The following AKAP13 variants were observed in gnomAD, a reference collection of about 807,000 sequenced individuals.
The protein encoded by AKAP13 is A-kinase anchoring protein 13.
In AKAP13, 80 loss-of-function variants were observed where a neutral mutation model predicts 264.5. That is an observed-to-expected ratio of 0.30 (90% CI 0.25 to 0.36). The LOEUF is 0.36. Among genes scored for constraint, AKAP13 ranks in the 10% least tolerant of loss-of-function variants. The pLI, the probability that AKAP13 is intolerant of heterozygous loss-of-function variation, is 1.00. For synonymous variants in AKAP13, 1,380 were observed against 1,250.2 expected (o/e 1.10, Z -2.19); for missense variants, 3,712 against 3,435.2 (o/e 1.08, Z -2.01).
chr15:85,580,837 T>C lies in AKAP13; in HGVS notation c.2769T>C (p.Ala923=). The C allele has an allele frequency of 2.5e-6, 4 of 1,614,128 alleles. No individual in the cohort carries two copies. The highest frequency in any genetic ancestry group is 3.4e-6 in the Non-Finnish European group (4 of 1,180,038). ...TGGTGGTTTCAGAAAGCTCTGCAGC[T>C]CAGGAACAAGATAAGGATAAAGCGG... ...KLLVVSESSA[A]QEQDKDKAVT... The change falls in exon 7 of 37, where the codon GCT becomes GCC. Residue 923 remains alanine (A), a synonymous_variant. Coordinates refer to ENST00000394518, the MANE Select transcript of AKAP13 (RefSeq NM_007200.5).
chr15:85,553,630 C>T (rs2078040542), intron 5 of AKAP13, among the ~76,000 whole-genome samples: 2 of 152,100 alleles, frequency 1.3e-5, no homozygotes, highest in African/African-American at 4.8e-5. Context: ...CTTTAACTGG[C>T]CAATAGAATT....
intron 12 of AKAP13, among the ~76,000 whole-genome samples, chr15:85,661,939 C>T (rs919743294): frequency 6.6e-6 from 1 of 151,428 alleles, no homozygotes; most frequent in Non-Finnish European, 1.5e-5. Context: ...TCCATGAGCC[C>T]ACCAGAGCAC....
chr15:85,473,103 C>T (rs1418466485), intron 1 of AKAP13, among the ~76,000 whole-genome samples: 7 of 152,124 alleles, frequency 4.6e-5, no homozygotes, highest in Admixed American at 4.6e-4. Context: ...TCATAATAAG[C>T]ACATAAGGAG....
At chr15:85,435,178 A>T (rs1483835270) in intron 1 of AKAP13, among the ~76,000 whole-genome samples, 2 of 147,126 alleles carry the variant, frequency 1.4e-5, no homozygotes, top group Non-Finnish European at 3.0e-5. Flanking sequence ...AAGAATGCAG[A>T]AGCCTCAGGA....
In AKAP13 at chr15:85,515,851, T is replaced by A. The variant is rs531934198; in HGVS notation, c.34-5577T>A. Among the ~76,000 whole-genome samples the A allele has an allele frequency of 1.6e-3, 218 of 138,244 alleles. 38 individuals are homozygous for A. The highest frequency in any genetic ancestry group is 6.6e-3 in the South Asian group (30 of 4,546). 90.7% of individuals were successfully genotyped at this position (138,244 alleles called of 152,430 possible). A position where few individuals can be genotyped will look rare whatever the true frequency, so the allele number is the denominator to read the frequency against. ...CTATGGTTATTTTTCCTTTTTTTTTTAAATCATTTGATTCAGGTGTTATCT... is the reference window on the plus strand; with the variant it reads ...CTATGGTTATTTTTCCTTTTTTTTTAAAATCATTTGATTCAGGTGTTATCT... On this transcript the variant is annotated intron_variant, in intron 2 of 36. Coordinates refer to ENST00000394518, the MANE Select transcript of AKAP13 (RefSeq NM_007200.5).
At chr15:85,470,600 C>T (rs569139033) in intron 1 of AKAP13, among the ~76,000 whole-genome samples, 77 of 152,302 alleles carry the variant, frequency 5.1e-4, no homozygotes, top group Admixed American at 1.2e-3. Flanking sequence ...GGCTCACGAT[C>T]GGTCTTTTTA....
At chr15:85,740,121 T>G (rs1195943751) in intron 33 of AKAP13, 101 bp from the exon 34 acceptor site, 1 of 1,188,078 alleles carries the variant, frequency 8.4e-7, no homozygotes, top group Non-Finnish European at 1.2e-6. Flanking sequence ...AGCATTTAGT[T>G]GTATCTTAAA....
chr15:85,641,905 T>C (rs556136229), intron 9 of AKAP13, among the ~76,000 whole-genome samples: 1 of 152,330 alleles, frequency 6.6e-6, no homozygotes, highest in East Asian at 1.9e-4. Context: ...CAGTGTGTTT[T>C]CCTGCCCTTC....
At chr15:85,715,337 A>T (rs62022942) in intron 19 of AKAP13, among the ~76,000 whole-genome samples, 25,257 of 152,078 alleles carry the variant, frequency 0.17, 2,408 homozygotes, top group Non-Finnish European at 0.22. Flanking sequence ...TGTGATACTC[A>T]TGTCATTTTC....
At chr15:85,475,915 G>C (rs748989025) in intron 1 of AKAP13, among the ~76,000 whole-genome samples, 16 of 152,156 alleles carry the variant, frequency 1.1e-4, no homozygotes, top group Non-Finnish European at 2.1e-4. Flanking sequence ...ACTGTGCCAG[G>C]TGCTGTGGCA....
At chr15:85,396,227 C>T (rs924055217) in intron 1 of AKAP13, among the ~76,000 whole-genome samples, 1 of 152,054 alleles carries the variant, frequency 6.6e-6, no homozygotes, top group African/African-American at 2.4e-5. Flanking sequence ...TTGGTATTGA[C>T]CAAGTTTGGT....
At position 85,703,526 on chromosome 15, in the gene AKAP13, C is replaced by T. The variant is rs571782034; in HGVS notation, c.5465-4493C>T. Among the ~76,000 whole-genome samples the T allele has an allele frequency of 1.8e-4, 28 of 152,224 alleles. No individual in the cohort carries two copies. The East Asian group carries it at 5.0e-3, about 27-fold the overall frequency. On this transcript the variant is annotated intron_variant, in intron 17 of 36. Coordinates refer to ENST00000394518, the MANE Select transcript of AKAP13 (RefSeq NM_007200.5). ...ATAAGCACTCTTAGTCCAGATAGGG[C>T]GATGTCTCAAATCCCCCAAAGATTT...
intron 1 of AKAP13, among the ~76,000 whole-genome samples, chr15:85,442,207 C>T (rs932013310): frequency 1.3e-4 from 20 of 150,850 alleles, no homozygotes; most frequent in African/African-American, 4.6e-4. Context: ...GTCAGGAGTT[C>T]GAGACCAGCC....
chr15:85,731,848 G>A (rs898489779), intron 30 of AKAP13, among the ~76,000 whole-genome samples: 10 of 152,190 alleles, frequency 6.6e-5, no homozygotes, highest in South Asian at 6.2e-4. Context: ...TTGGGAGGCC[G>A]AGGCAAGTGG....
Position 85,604,468 on chromosome 15 carries a change from T to TGC in AKAP13, c.4161+18645_4161+18646insGC, listed in dbSNP as rs1371781821. 2.6e-3 allele frequency among the ~76,000 whole-genome samples: 384 copies of TGC among 145,414 alleles called. 9 individuals carry two copies. In the East Asian group the frequency reaches 0.067, roughly 25 times the overall value. ...ATCAAAAGCTGCTGCTGCTGCTGCT[T>TGC]TTTTTTTTTTTTTAAGTTGGAGCCT... On this transcript the variant is annotated intron_variant, in intron 8 of 36. Transcript: ENST00000394518.
intron 1 of AKAP13, among the ~76,000 whole-genome samples, chr15:85,384,703 C>T (rs532494952): frequency 7.1e-6 from 1 of 140,886 alleles, no homozygotes; most frequent in Admixed American, 7.5e-5. Flanking sequence ...GGCGACAGAG[C>T]GAGACTCCGT....
intron 1 of AKAP13, among the ~76,000 whole-genome samples, chr15:85,471,351 C>T (rs576409344): frequency 8.6e-5 from 13 of 152,000 alleles, no homozygotes; most frequent in South Asian, 8.3e-4. Flanking sequence ...AAAAATTAGC[C>T]GGGTGTGGTG....
intron 1 of AKAP13, among the ~76,000 whole-genome samples, chr15:85,381,436 C>T (rs1377752484): frequency 6.7e-6 from 1 of 148,712 alleles, no homozygotes; most frequent in Non-Finnish European, 1.5e-5. Context: ...CTCTGGGACC[C>T]GTGCAGCCAG....
At chr15:85,696,208 C>G (rs186620156) in intron 17 of AKAP13, among the ~76,000 whole-genome samples, 85 of 152,272 alleles carry the variant, frequency 5.6e-4, no homozygotes, top group South Asian at 3.5e-3. Context: ...TTGTGTAACT[C>G]TCATCATTTT....
Sources: gnomAD v4.1 joint callset for allele counts (sites outside exome capture counted in the v4.1 genomes callset) on GRCh38, gnomAD v4.1.1 for gene constraint, MANE v1.5 for transcripts, NCBI Gene and HGNC (gene_info 2026-07-23, HGNC 2026-07-21) for gene names.